LARGE1: variants seen among roughly 807,000 people sequenced by gnomAD.
LARGE1 encodes LARGE xylosyl- and glucuronyltransferase 1.
A neutral mutation model predicts 87.6 loss-of-function variants in LARGE1; 43 were observed. The ratio of observed to expected loss-of-function variants is 0.49; its 90% CI spans 0.38 to 0.63. LARGE1 has a LOEUF of 0.63. Ranked by LOEUF, LARGE1 falls within the 30% of genes least tolerant of loss-of-function variation. The pLI, the probability that LARGE1 is intolerant of heterozygous loss-of-function variation, is 0.00. For missense variants in LARGE1, 802 were observed against 1,000.2 expected, an observed-to-expected ratio of 0.80 and a Z score of 2.67; for synonymous variants, 434 against 394.6, an observed-to-expected ratio of 1.10 and a Z score of -1.18.
intron 7 of LARGE1, among the ~76,000 whole-genome samples, chr22:33,385,243 G>A (rs2065282189): frequency 6.7e-6 from 1 of 148,278 alleles, no homozygotes; most frequent in African/African-American, 2.5e-5. Flanking sequence ...TTTTTAAAAC[G>A]CTAAAACAAC....
At chr22:33,783,222 T>C (rs1457871138) in intron 1 of LARGE1, among the ~76,000 whole-genome samples, 1 of 151,892 alleles carries the variant, frequency 6.6e-6, no homozygotes, top group African/African-American at 2.4e-5. Context: ...CTTTGAGCAC[T>C]ATGTTTCTTC....
At chr22:33,266,110 A>G (rs957009716) in intron 11 of LARGE1, among the ~76,000 whole-genome samples, 2 of 151,936 alleles carry the variant, frequency 1.3e-5, no homozygotes, top group Admixed American at 6.6e-5. Flanking sequence ...ACATGAGAAT[A>G]TAAGATGGGA....
At chr22:33,221,188 G>GAGA (rs766697708) in intron 11 of LARGE1, among the ~76,000 whole-genome samples, 3,344 of 123,780 alleles carry the variant, frequency 0.027, 124 homozygotes, top group African/African-American at 0.11. Context: ...AGAGAGAGAG[G>GAGA]GAATAACACA....
intron 1 of LARGE1, among the ~76,000 whole-genome samples, chr22:33,881,509 T>C (rs1279022763): frequency 6.6e-6 from 1 of 152,200 alleles, no homozygotes; most frequent in Non-Finnish European, 1.5e-5. Context: ...TTGACCCTTT[T>C]TAAAGAAGAG....
intron 6 of LARGE1, among the ~76,000 whole-genome samples, chr22:33,561,734 G>C (rs2077869021): frequency 6.6e-6 from 1 of 152,200 alleles, no homozygotes; most frequent in South Asian, 2.1e-4. Flanking sequence ...TCTTCCAGCT[G>C]TTGGTGCAGG....
At chr22:33,586,650 G>A (rs568424347) in intron 5 of LARGE1, among the ~76,000 whole-genome samples, 1 of 152,012 alleles carries the variant, frequency 6.6e-6, no homozygotes, top group Non-Finnish European at 1.5e-5. Flanking sequence ...GTAGAGATGG[G>A]GTTTCACCAT....
chr22:33,645,523 A>T (rs1410034022), intron 3 of LARGE1, among the ~76,000 whole-genome samples: 1 of 152,238 alleles, frequency 6.6e-6, no homozygotes, highest in Non-Finnish European at 1.5e-5. Context: ...CATTCAGGAT[A>T]TAGTCATGGG....
At chr22:33,625,020 C>T (rs1230198731) in intron 4 of LARGE1, among the ~76,000 whole-genome samples, 1 of 152,202 alleles carries the variant, frequency 6.6e-6, no homozygotes, top group Non-Finnish European at 1.5e-5. Flanking sequence ...TCTTGAAGCC[C>T]ACCATGGTTC....
chr22:33,545,419 AACACAC>A (rs55754949), intron 6 of LARGE1, among the ~76,000 whole-genome samples: 6,783 of 143,958 alleles, frequency 0.047, 514 homozygotes, highest in African/African-American at 0.16. Flanking sequence ...ACACCCAGCT[AACACAC>A]ACACACACAC....
intron 4 of LARGE1, among the ~76,000 whole-genome samples, chr22:33,609,868 GT>G (rs538312076): frequency 6.6e-6 from 1 of 151,720 alleles, no homozygotes; most frequent in African/African-American, 2.4e-5. Flanking sequence ...TTTTTAAGAA[GT>G]TTTTTTTAAG....
intron 2 of LARGE1, among the ~76,000 whole-genome samples, chr22:33,688,155 C>T (rs1482985259): frequency 6.6e-6 from 1 of 152,302 alleles, no homozygotes; most frequent in Non-Finnish European, 1.5e-5. Context: ...CCTACTCGAA[C>T]GCTGTCTCTA....
intron 5 of LARGE1, among the ~76,000 whole-genome samples, chr22:33,568,248 C>T (rs774914087): frequency 2.0e-5 from 3 of 152,184 alleles, no homozygotes. Context: ...GAAAAAACAT[C>T]TCAACCTCAC....
chr22:33,870,918 T>C (rs2064260130), intron 1 of LARGE1, among the ~76,000 whole-genome samples: 1 of 152,200 alleles, frequency 6.6e-6, no homozygotes, highest in African/African-American at 2.4e-5. Context: ...TTAAATCATT[T>C]GCATAAGGGC....
chr22:33,412,468 G>A (rs1267752874), intron 7 of LARGE1, among the ~76,000 whole-genome samples: 1 of 152,134 alleles, frequency 6.6e-6, no homozygotes, highest in Non-Finnish European at 1.5e-5. Context: ...CGGTTATGAA[G>A]GGATGTGCAG....
chr22:33,214,481 C>T (rs556012556), intron 11 of LARGE1, among the ~76,000 whole-genome samples: 1 of 152,196 alleles, frequency 6.6e-6, no homozygotes, highest in African/African-American at 2.4e-5. Flanking sequence ...GAGAAAGGTG[C>T]TCAAATAAAA....
intron 5 of LARGE1, among the ~76,000 whole-genome samples, chr22:33,585,866 T>G (rs1016874562): frequency 6.6e-6 from 1 of 152,164 alleles, no homozygotes; most frequent in Non-Finnish European, 1.5e-5. Flanking sequence ...GCCCGGCTAA[T>G]TTTTGTATTT....
At chr22:33,645,015 T>A (rs373598866) in intron 3 of LARGE1, among the ~76,000 whole-genome samples, 1 of 152,202 alleles carries the variant, frequency 6.6e-6, no homozygotes, top group Non-Finnish European at 1.5e-5. Context: ...GCTATTCCCA[T>A]CAAGCTACCA....
At chr22:33,855,125 G>C (rs555662991) in intron 1 of LARGE1, among the ~76,000 whole-genome samples, 3 of 152,260 alleles carry the variant, frequency 2.0e-5, no homozygotes, top group Admixed American at 2.0e-4. Context: ...ATGAGGTCAG[G>C]AGACCGAGAC....
intron 1 of LARGE1, among the ~76,000 whole-genome samples, chr22:33,795,942 T>A (rs529667441): frequency 6.6e-6 from 1 of 150,704 alleles, no homozygotes; most frequent in East Asian, 2.0e-4. Flanking sequence ...GGCACATGTA[T>A]ACATATGTAA....
Sources: allele counts gnomAD v4.1 joint callset (sites outside exome capture counted in the v4.1 genomes callset), GRCh38; gene constraint gnomAD v4.1.1; transcripts MANE v1.5; gene names NCBI Gene and HGNC (gene_info 2026-07-23, HGNC 2026-07-21).